KLHL32: variants seen among roughly 807,000 people sequenced by gnomAD.
The protein encoded by KLHL32 is kelch like family member 32.
KLHL32 carries 35 observed loss-of-function variants against 64.8 expected under a neutral mutation model. The ratio of observed to expected loss-of-function variants is 0.54; its 90% CI spans 0.41 to 0.72. The LOEUF is 0.72. Ranked by LOEUF, KLHL32 falls within the 30% of genes least tolerant of loss-of-function variation. KLHL32 has a pLI of 0.00. For missense variants in KLHL32, 589 were observed against 768.5 expected (o/e 0.77, Z 2.76); for synonymous variants, 259 against 281.0 (o/e 0.92, Z 0.78).
intron 4 of KLHL32, among the ~76,000 whole-genome samples, chr6:97,058,169 G>A (rs1399247492): frequency 6.6e-6 from 1 of 152,028 alleles, no homozygotes; most frequent in African/African-American, 2.4e-5. Flanking sequence ...GTCTTGAAGC[G>A]GGTATTGTCA....
intron 4 of KLHL32, among the ~76,000 whole-genome samples, chr6:97,053,206 T>A (rs1209085327): frequency 6.6e-6 from 1 of 152,190 alleles, no homozygotes; most frequent in Non-Finnish European, 1.5e-5. Flanking sequence ...CCTCAGATCC[T>A]TTTTGAAATG....
chr6:97,063,858 G>A (rs2128152905), intron 4 of KLHL32, among the ~76,000 whole-genome samples: 1 of 152,292 alleles, frequency 6.6e-6, no homozygotes, highest in Non-Finnish European at 1.5e-5. Context: ...CCTTGCACCT[G>A]GCAGTAATTC....
At chr6:97,007,333 A>G (rs1779792601) in intron 3 of KLHL32, among the ~76,000 whole-genome samples, 1 of 152,112 alleles carries the variant, frequency 6.6e-6, no homozygotes, top group Non-Finnish European at 1.5e-5. Context: ...TGAGCTTTTC[A>G]GCTTTACCAG....
At chr6:97,040,062 T>C (rs1784894976) in intron 3 of KLHL32, among the ~76,000 whole-genome samples, 1 of 152,108 alleles carries the variant, frequency 6.6e-6, no homozygotes, top group Admixed American at 6.5e-5. Flanking sequence ...AAGATGAATA[T>C]TGATACATTG....
chr6:97,104,816 T>C (rs1160598024), intron 6 of KLHL32, among the ~76,000 whole-genome samples: 1 of 152,234 alleles, frequency 6.6e-6, no homozygotes, highest in Non-Finnish European at 1.5e-5. Context: ...AATGCTCTGA[T>C]GCTGCGTCCC....
intron 1 of KLHL32, among the ~76,000 whole-genome samples, chr6:96,944,112 T>C (rs565949500): frequency 1.8e-4 from 27 of 152,340 alleles, no homozygotes; most frequent in East Asian, 1.7e-3. Context: ...CTCATCGTTA[T>C]ATCAAAGATG....
At chr6:97,100,018 A>G (rs1201917035) in intron 6 of KLHL32, among the ~76,000 whole-genome samples, 1 of 152,056 alleles carries the variant, frequency 6.6e-6, no homozygotes, top group East Asian at 1.9e-4. Flanking sequence ...GGTGGTGCAC[A>G]CCTGTAATCC....
At chr6:96,978,822 T>A (rs1775987454) in intron 3 of KLHL32, among the ~76,000 whole-genome samples, 1 of 152,252 alleles carries the variant, frequency 6.6e-6, no homozygotes, top group South Asian at 2.1e-4. Context: ...TTTTTACTTT[T>A]TAATCATAGT....
In KLHL32 at chr6:97,113,970, A is replaced by G. The variant is rs752713592; in HGVS notation, c.815A>G (p.Tyr272Cys). 2.5e-6 allele frequency: 4 copies of G among 1,614,106 alleles called. No individual in the cohort carries two copies. Among genetic ancestry groups the G allele is most frequent in the South Asian group, 1.1e-5 (1 of 91,086 alleles). The change falls in exon 7 of 11, where the codon TAT (tyrosine) becomes TGT (cysteine). Residue 272 changes from tyrosine (Y) to cysteine (C), a missense_variant. Transcript: ENST00000369261. ...NEALEYHQSI[Y>C]AQPVWQTRRT... ...GCCCTGGAATACCACCAGAGCATCT[A>G]TGCACAGCCTGTCTGGCAGACTCGC...
At chr6:97,047,721 C>A (rs1737655) in intron 4 of KLHL32, among the ~76,000 whole-genome samples, 26,034 of 152,006 alleles carry the variant, frequency 0.17, 2,586 homozygotes, top group African/African-American at 0.29. Flanking sequence ...GGATCCCAGT[C>A]CAAACTAGAC....
chr6:96,934,951 T>C (rs536165110), intron 1 of KLHL32, among the ~76,000 whole-genome samples: 54 of 152,306 alleles, frequency 3.5e-4, no homozygotes, highest in African/African-American at 1.2e-3. Context: ...TGTAGCTTGA[T>C]CTTTATTTTT....
chr6:97,006,241 G>A (rs1206091), intron 3 of KLHL32, among the ~76,000 whole-genome samples: 56,568 of 151,900 alleles, frequency 0.37, 12,124 homozygotes, highest in African/African-American at 0.56. Context: ...CATTGAGTGA[G>A]TCCTTCACCA....
chr6:96,924,110 TA>T (rs1234184294), upstream of KLHL32, among the ~76,000 whole-genome samples: 5 of 152,232 alleles, frequency 3.3e-5, no homozygotes, highest in African/African-American at 1.2e-4. Flanking sequence ...TGACGTTTCT[TA>T]AAGTTACTGT....
chr6:97,034,235 C>A lies in KLHL32; in HGVS notation c.205-7257C>A, dbSNP rs1004855705. ...GGGTTCAATTCTATTCTTTGGCATG[C>A]GGATGTCAAGTTTTTCCTGCACCGT... On this transcript the variant is annotated intron_variant, in intron 3 of 10. Transcript: ENST00000369261. Among the ~76,000 whole-genome samples, 6 of 152,110 alleles carry A rather than the reference C, an allele frequency of 3.9e-5. No individual in the cohort carries two copies. The East Asian group carries it at 1.2e-3, about 29-fold the overall frequency.
chr6:97,110,771 G>A (rs754670373), intron 6 of KLHL32, among the ~76,000 whole-genome samples: 10 of 152,246 alleles, frequency 6.6e-5, no homozygotes, highest in Non-Finnish European at 1.3e-4. Context: ...GGCGGGAACC[G>A]GAGCACGGGC....
At chr6:97,002,070 AC>A (rs1779102961) in intron 3 of KLHL32, among the ~76,000 whole-genome samples, 1 of 152,226 alleles carries the variant, frequency 6.6e-6, no homozygotes, top group African/African-American at 2.4e-5. Context: ...TAAGCTGGAA[AC>A]CCAGGAGAGC....
chr6:96,958,057 A>G (rs994088344), intron 1 of KLHL32, among the ~76,000 whole-genome samples: 2 of 152,228 alleles, frequency 1.3e-5, no homozygotes, highest in African/African-American at 2.4e-5. Context: ...CTGCCCATAT[A>G]GACAGGATGA....
At chr6:97,108,424 C>A (rs977533466) in intron 6 of KLHL32, among the ~76,000 whole-genome samples, 1 of 152,040 alleles carries the variant, frequency 6.6e-6, no homozygotes, top group East Asian at 1.9e-4. Context: ...TTTATGATGC[C>A]CCAATGATAA....
At chr6:96,990,759 G>C (rs1490029773) in intron 3 of KLHL32, among the ~76,000 whole-genome samples, 4 of 152,098 alleles carry the variant, frequency 2.6e-5, no homozygotes, top group African/African-American at 9.7e-5. Flanking sequence ...AAGCTGGGGT[G>C]GGGGCGGGGC....
Sources: allele counts gnomAD v4.1 joint callset (sites outside exome capture counted in the v4.1 genomes callset), GRCh38; gene constraint gnomAD v4.1.1; transcripts MANE v1.5; gene names NCBI Gene and HGNC (gene_info 2026-07-23, HGNC 2026-07-21).